Variants in PIK3C2G observed in about 807,000 individuals in gnomAD.
The protein encoded by PIK3C2G is phosphatidylinositol-4-phosphate 3-kinase catalytic subunit type 2 gamma.
A neutral mutation model predicts 181.1 loss-of-function variants in PIK3C2G; 168 were observed. The ratio of observed to expected loss-of-function variants is 0.93; its 90% CI spans 0.82 to 1.05. The LOEUF is 1.05. PIK3C2G is among the 50% of genes least tolerant of loss of function. PIK3C2G has a pLI of 0.00. For missense variants in PIK3C2G, 1,869 were observed against 1,732.8 expected (o/e 1.08, Z -1.40); for synonymous variants, 573 against 592.2 (o/e 0.97, Z 0.47).
chr12:18,543,566 A>G (rs1042295909), intron 25 of PIK3C2G, among the ~76,000 whole-genome samples: 72 of 152,072 alleles, frequency 4.7e-4, no homozygotes, highest in African/African-American at 1.7e-3. Context: ...TGATTTTTAT[A>G]TATGGTGTAA....
the PIK3C2G span, among the ~76,000 whole-genome samples, chr12:18,663,498 T>C: frequency 4.6e-5 from 7 of 152,152 alleles, no homozygotes; most frequent in Non-Finnish European, 8.8e-5. Context: ...TGCTATTTTA[T>C]ATCAGAGATT....
Position 18,312,201 on chromosome 12 carries a change from C to T in PIK3C2G, c.1035-1761C>T, listed in dbSNP as rs1441286280. Among the ~76,000 whole-genome samples, 3 of 152,250 alleles carry T rather than the reference C, an allele frequency of 2.0e-5. No homozygotes were observed. In the East Asian group the frequency reaches 5.8e-4, roughly 29 times the overall value. On this transcript the variant is annotated intron_variant, in intron 5 of 32. Coordinates refer to ENST00000538779, the MANE Select transcript of PIK3C2G (RefSeq NM_001288772.2). ...GGAACAATGCTTTGCATCCTCCGAT[C>T]CAATCAAGTTGACACTCAATATTAA...
chr12:18,716,874 T>G, the PIK3C2G span, among the ~76,000 whole-genome samples: 5 of 152,224 alleles, frequency 3.3e-5, no homozygotes, highest in Non-Finnish European at 7.3e-5. Flanking sequence ...TTTTGGTACA[T>G]TAAGATATTG....
chr12:18,671,946 A>G, the PIK3C2G span, among the ~76,000 whole-genome samples: 1 of 152,128 alleles, frequency 6.6e-6, no homozygotes. Flanking sequence ...GAGTGGGCAT[A>G]TAAGAGCCCT....
intron 1 of PIK3C2G, among the ~76,000 whole-genome samples, chr12:18,269,912 CTTTTT>C (rs367550750): frequency 7.3e-6 from 1 of 136,930 alleles, no homozygotes; most frequent in South Asian, 2.3e-4. Context: ...TTTTTCTTTT[CTTTTT>C]TTTTTTTTTT....
chr12:18,445,302 A>C (rs1015584595), intron 18 of PIK3C2G, among the ~76,000 whole-genome samples: 1 of 152,132 alleles, frequency 6.6e-6, no homozygotes, highest in Non-Finnish European at 1.5e-5. Context: ...TAAGAATATA[A>C]GCAAGTAATT....
chr12:18,637,764 G>C (rs1436418622), intron 31 of PIK3C2G, among the ~76,000 whole-genome samples: 1 of 152,196 alleles, frequency 6.6e-6, no homozygotes, highest in Non-Finnish European at 1.5e-5. Context: ...GTTGAAAATT[G>C]TGTCTTTTGA....
At chr12:18,280,263 T>G (rs1166244400) in intron 1 of PIK3C2G, among the ~76,000 whole-genome samples, 2 of 151,912 alleles carry the variant, frequency 1.3e-5, no homozygotes, top group African/African-American at 4.8e-5. Flanking sequence ...GAAAAACCAA[T>G]AACAAATATG....
At chr12:18,688,445 T>A in the PIK3C2G span, among the ~76,000 whole-genome samples, 1 of 151,988 alleles carries the variant, frequency 6.6e-6, no homozygotes, top group East Asian at 1.9e-4. Context: ...ATCCACAATG[T>A]CCACAATTTT....
intron 24 of PIK3C2G, among the ~76,000 whole-genome samples, chr12:18,529,862 G>A (rs1012917464): frequency 6.6e-6 from 1 of 152,084 alleles, no homozygotes; most frequent in East Asian, 1.9e-4. Context: ...GGGAAAGGTG[G>A]GGGAAAGACA....
intron 25 of PIK3C2G, among the ~76,000 whole-genome samples, chr12:18,544,661 G>GA (rs144244628): frequency 3.3e-5 from 5 of 151,290 alleles, no homozygotes; most frequent in East Asian, 1.9e-4. Flanking sequence ...AAATGAAACA[G>GA]AAAAAAAAGA....
At chr12:18,589,234 T>G (rs1487128673) in intron 29 of PIK3C2G, among the ~76,000 whole-genome samples, 1 of 151,828 alleles carries the variant, frequency 6.6e-6, no homozygotes, top group African/African-American at 2.4e-5. Context: ...GATCTATTTA[T>G]GGATCTATTA....
Position 18,278,520 on chromosome 12 carries a change from T to C in PIK3C2G, c.-78-3484T>C, listed in dbSNP as rs557385162. 2.0e-5 allele frequency among the ~76,000 whole-genome samples: 3 copies of C among 152,324 alleles called. No homozygotes were observed. The South Asian group carries it at 6.2e-4, about 32-fold the overall frequency. On this transcript the variant is annotated intron_variant, in intron 1 of 32. Transcript: ENST00000538779. ...AAATCCTCTTTGCCAGGTAACTTAC[T>C]GTGGTCACAGGTTCCAGGGATCAAA...
intron 24 of PIK3C2G, among the ~76,000 whole-genome samples, chr12:18,520,491 C>T (rs1942840981): frequency 6.6e-6 from 1 of 152,038 alleles, no homozygotes; most frequent in Admixed American, 6.6e-5. Context: ...ATTCTTTCTT[C>T]CATTTGGTCA....
intron 13 of PIK3C2G, among the ~76,000 whole-genome samples, chr12:18,379,706 A>T (rs545514710): frequency 6.6e-6 from 1 of 152,296 alleles, no homozygotes; most frequent in East Asian, 1.9e-4. Flanking sequence ...TCTGCAGCTC[A>T]TGACTGGGGC....
chr12:18,601,546 G>A (rs1168788850), intron 30 of PIK3C2G, among the ~76,000 whole-genome samples: 3 of 152,106 alleles, frequency 2.0e-5, no homozygotes, highest in African/African-American at 7.2e-5. Flanking sequence ...ACAAGATCTA[G>A]GGTTCTATAC....
At chr12:18,562,531 G>A (rs1402847541) in intron 26 of PIK3C2G, among the ~76,000 whole-genome samples, 172 bp from the exon 27 acceptor site, 1 of 152,192 alleles carries the variant, frequency 6.6e-6, no homozygotes, top group Non-Finnish European at 1.5e-5. Flanking sequence ...AACAACTCCA[G>A]ATGCAAACTT....
At chr12:18,327,758 T>TC (rs888353824) in intron 8 of PIK3C2G, among the ~76,000 whole-genome samples, 10 of 151,764 alleles carry the variant, frequency 6.6e-5, no homozygotes, top group South Asian at 4.2e-4. Context: ...AAGAGAATCC[T>TC]CCCCCCCAAG....
chr12:18,620,131 G>A (rs1948785042), intron 31 of PIK3C2G, among the ~76,000 whole-genome samples: 1 of 152,100 alleles, frequency 6.6e-6, no homozygotes, highest in Non-Finnish European at 1.5e-5. Flanking sequence ...CTGTTAAACG[G>A]AGGGGTCTAT....
Sources: gnomAD v4.1 joint callset for allele counts (sites outside exome capture counted in the v4.1 genomes callset) on GRCh38, gnomAD v4.1.1 for gene constraint, MANE v1.5 for transcripts, NCBI Gene and HGNC (gene_info 2026-07-23, HGNC 2026-07-21) for gene names.